LMBR1: variants seen among roughly 807,000 people sequenced by gnomAD.
LMBR1 encodes the protein limb region 1 protein homolog.
In LMBR1, 52 loss-of-function variants were observed where a neutral mutation model predicts 73.9. The ratio of observed to expected loss-of-function variants is 0.70; its 90% confidence interval spans 0.56 to 0.89. The LOEUF is 0.89. Among genes scored for constraint, LMBR1 ranks in the 40% least tolerant of loss-of-function variants. LMBR1 has a pLI of 0.00. For synonymous variants in LMBR1, 215 were observed against 209.4 expected (o/e 1.03, Z -0.23); for missense variants, 539 against 579.8 (o/e 0.93, Z 0.72).
At chr7:156,753,498 T>G (rs1037221082) in intron 9 of LMBR1, among the ~76,000 whole-genome samples, 1 of 152,030 alleles carries the variant, frequency 6.6e-6, no homozygotes, top group African/African-American at 2.4e-5. Context: ...AGCAAGAAAG[T>G]GGCAGTTGAA....
chr7:156,778,939 T>A (rs748786224), intron 5 of LMBR1, among the ~76,000 whole-genome samples: 11 of 152,188 alleles, frequency 7.2e-5, no homozygotes, highest in Non-Finnish European at 1.6e-4. Context: ...AAGCTTCCTA[T>A]CAACTCCATT....
At chr7:156,690,719 A>G (rs959417960) in intron 15 of LMBR1, among the ~76,000 whole-genome samples, 3 of 152,144 alleles carry the variant, frequency 2.0e-5, no homozygotes, top group African/African-American at 7.3e-5. Flanking sequence ...AAATAGACAA[A>G]TATTACCTCA....
chr7:156,741,321 C>A (rs1447521610), intron 9 of LMBR1, among the ~76,000 whole-genome samples: 1 of 151,874 alleles, frequency 6.6e-6, no homozygotes, highest in Non-Finnish European at 1.5e-5. Flanking sequence ...TAACACTGAT[C>A]GTAAATGAAC....
At chr7:156,819,361 G>A (rs771901085) in intron 4 of LMBR1, among the ~76,000 whole-genome samples, 4 of 152,058 alleles carry the variant, frequency 2.6e-5, no homozygotes, top group Non-Finnish European at 5.9e-5. Context: ...ACACATTAAA[G>A]GCACAATCAA....
chr7:156,715,662 G>C (rs1217571878), intron 15 of LMBR1, among the ~76,000 whole-genome samples: 3 of 152,028 alleles, frequency 2.0e-5, no homozygotes, highest in African/African-American at 4.8e-5. Flanking sequence ...CTAGTTCCTG[G>C]CAACTCATGA....
At chr7:156,725,558 G>T in intron 13 of LMBR1, 33 bp from the exon 14 acceptor site, 2 of 1,466,392 alleles carry the variant, frequency 1.4e-6, no homozygotes, top group Non-Finnish European at 9.4e-7. Flanking sequence ...CTCTCCAACA[G>T]AATGCAAGTT....
intron 5 of LMBR1, among the ~76,000 whole-genome samples, chr7:156,766,280 G>A (rs2132978403): frequency 6.6e-6 from 1 of 152,200 alleles, no homozygotes; most frequent in Non-Finnish European, 1.5e-5. Flanking sequence ...CTGTCTGGTA[G>A]CACAATGTTC....
At chr7:156,693,969 T>G (rs1318163949) in intron 15 of LMBR1, among the ~76,000 whole-genome samples, 1 of 152,172 alleles carries the variant, frequency 6.6e-6, no homozygotes, top group Non-Finnish European at 1.5e-5. Flanking sequence ...GGCCAATTTA[T>G]TGCTGGGATG....
chr7:156,771,829 A>G (rs1208952358), intron 5 of LMBR1, among the ~76,000 whole-genome samples: 1 of 152,220 alleles, frequency 6.6e-6, no homozygotes, highest in Non-Finnish European at 1.5e-5. Context: ...CAGATGCAAA[A>G]TCCTCAACAA....
At chr7:156,764,007 A>AAAAAAATTCTTCAT (rs1251430719) in intron 5 of LMBR1, among the ~76,000 whole-genome samples, 1 of 152,134 alleles carries the variant, frequency 6.6e-6, no homozygotes, top group African/African-American at 2.4e-5. Context: ...ATAAAACACA[A>AAAAAAATTCTTCAT]AAAAAATTCT....
Position 156,756,299 on chromosome 7 carries a change from T to C in LMBR1, c.757+94A>G, listed in dbSNP as rs865829399. On this transcript the variant is annotated intron_variant, in intron 9 of 16. Coordinates refer to ENST00000353442, the MANE Select transcript of LMBR1 (RefSeq NM_022458.4). ...TTCTCCTCTTGTAGCAGCACAAGAT[T>C]CAGAGAGGTTTATATTTTTTCTCTT... The C allele has an allele frequency of 3.5e-5, 24 of 683,020 alleles. No individual in the cohort carries two copies. In the Middle Eastern group the frequency reaches 1.1e-3, roughly 33 times the overall value. The allele number at this position is 683,020 out of a possible 1,614,324, so 42.3% of individuals were successfully genotyped here.
chr7:156,721,263 T>A (rs1255498409), intron 15 of LMBR1, among the ~76,000 whole-genome samples: 7 of 152,100 alleles, frequency 4.6e-5, no homozygotes, highest in Admixed American at 1.3e-4. Flanking sequence ...AGACTATCAT[T>A]TGCATTTGAG....
At chr7:156,730,727 A>T (rs1270245723) in intron 10 of LMBR1, among the ~76,000 whole-genome samples, 1 of 152,132 alleles carries the variant, frequency 6.6e-6, no homozygotes, top group Non-Finnish European at 1.5e-5. Flanking sequence ...CACGAGGTCA[A>T]GAGTTTGAGA....
At chr7:156,741,722 A>G (rs1253118591) in intron 9 of LMBR1, among the ~76,000 whole-genome samples, 1 of 152,212 alleles carries the variant, frequency 6.6e-6, no homozygotes, top group Non-Finnish European at 1.5e-5. Flanking sequence ...CCCCACTTTC[A>G]GCATTGGATA....
chr7:156,802,155 G>T (rs1414561180), intron 4 of LMBR1, among the ~76,000 whole-genome samples: 1 of 152,172 alleles, frequency 6.6e-6, no homozygotes, highest in East Asian at 1.9e-4. Context: ...GCTAATTTTT[G>T]TATTTTCAGT....
At chr7:156,712,078 A>C (rs1398313073) in intron 15 of LMBR1, among the ~76,000 whole-genome samples, 1 of 152,200 alleles carries the variant, frequency 6.6e-6, no homozygotes, top group Admixed American at 6.5e-5. Flanking sequence ...AATGGGAGAA[A>C]AAGTTTGCAA....
At chr7:156,874,864 C>G (rs1163893383) in intron 1 of LMBR1, among the ~76,000 whole-genome samples, 1 of 152,162 alleles carries the variant, frequency 6.6e-6, no homozygotes, top group Non-Finnish European at 1.5e-5. Context: ...AAAAACAATT[C>G]CATTAATACG....
chr7:156,740,929 A>T (rs1039847008), intron 9 of LMBR1, among the ~76,000 whole-genome samples: 9 of 152,212 alleles, frequency 5.9e-5, no homozygotes, highest in Non-Finnish European at 7.3e-5. Flanking sequence ...CCAATCAAAA[A>T]TAATAACTAC....
rs937274097 is a variant in LMBR1 at position 156,669,496 on chromosome 7, G to A, written n.867-209C>T. Among the ~76,000 whole-genome samples, 3 of 152,152 alleles carry A rather than the reference G, an allele frequency of 2.0e-5. No individual in the cohort carries two copies. The highest frequency in any genetic ancestry group is 1.9e-4 in the East Asian group (1 of 5,184). On this transcript the variant is annotated intron_variant and non_coding_transcript_variant, in intron 4 of 4. Coordinates refer to the LMBR1 transcript ENST00000430825. The surrounding 1 kb of genome is among the most constrained non-coding windows in gnomAD (Gnocchi z 4.2). ...CCTCTGTCCAGGCAGAGGGCAGCAC[G>A]GCTTAGCATGTGGGAGGGGCAGGCT...
Sources: gnomAD v4.1 joint callset for allele counts (sites outside exome capture counted in the v4.1 genomes callset) on GRCh38, gnomAD v4.1.1 for gene constraint, Gnocchi (gnomAD v3.1) non-coding constraint, MANE v1.5 for transcripts, NCBI Gene and HGNC (gene_info 2026-07-23, HGNC 2026-07-21) for gene names.